Variants in PHF8 observed in about 807,000 individuals in gnomAD.
PHF8 encodes histone lysine demethylase PHF8.
A neutral mutation model predicts 74.4 loss-of-function variants in PHF8; 9 were observed. That is an observed-to-expected ratio of 0.12 (90% confidence interval 0.07 to 0.21). The LOEUF is 0.21. PHF8 is among the 10% of genes least tolerant of loss of function. The probability of loss-of-function intolerance (pLI) is 1.00; values close to 1 mark genes in which losing one functional copy is unlikely to be tolerated. For synonymous variants in PHF8, 311 were observed against 316.6 expected, an observed-to-expected ratio of 0.98 and a Z score of 0.19; for missense variants, 478 against 816.6, an observed-to-expected ratio of 0.59 and a Z score of 5.05.
intron 11 of PHF8, among the ~76,000 whole-genome samples, chrX:53,998,918 CA>C (rs1225645298): frequency 2.7e-5 from 3 of 111,887 alleles, no homozygotes; most frequent in African/African-American, 9.7e-5. Context: ...AAATGAGGGA[CA>C]AAGACTGATA....
Position 53,944,143 on chromosome X carries a change from C to G in PHF8, c.2640G>C (p.Leu880=), listed in dbSNP as rs781998200. The change falls in exon 20 of 22, where the codon CTG becomes CTC. Residue 880 remains leucine, a synonymous_variant. Coordinates refer to ENST00000338154, the MANE Select transcript of PHF8 (RefSeq NM_015107.3). ...GGGTGTCAGCACCTACCTGCTGGGCCAGCTTTGCAGCTGCTGCAGCCAAAC... is the reference window on the plus strand; with the variant it reads ...GGGTGTCAGCACCTACCTGCTGGGCGAGCTTTGCAGCTGCTGCAGCCAAAC... ...ETGLAAAAAK[L]AQQELQKAQK... 8 of 1,192,489 alleles carry G rather than the reference C, an allele frequency of 6.7e-6. No individual in the cohort carries two copies. The East Asian group carries it at 2.1e-4, about 31-fold the overall frequency.
Position 54,043,941 on chromosome X carries a change from C to A in PHF8, c.-272G>T. The A allele has an allele frequency of 1.3e-6, 1 of 754,925 alleles. No individual in the cohort carries two copies. Among genetic ancestry groups the A allele is most frequent in the Non-Finnish European group, 1.6e-6 (1 of 639,419 alleles). The allele number at this position is 754,925 out of a possible 1,213,427, so 62.2% of individuals were successfully genotyped here. A position where few individuals can be genotyped will look rare whatever the true frequency, so the allele number is the denominator to read the frequency against. ...CCGGGCTAGCTCCGGGACTGCGAAGCGCCTCAGCGGAGGCTCGTCCGGTAG... is the reference window on the plus strand; with the variant it reads ...CCGGGCTAGCTCCGGGACTGCGAAGAGCCTCAGCGGAGGCTCGTCCGGTAG... On this transcript the variant is annotated 5_prime_UTR_variant, in exon 1 of 22. Transcript: ENST00000338154.
intron 18 of PHF8, among the ~76,000 whole-genome samples, chrX:53,963,227 G>A (rs1229500777): frequency 9.0e-6 from 1 of 111,299 alleles, no homozygotes; most frequent in Non-Finnish European, 1.9e-5. Flanking sequence ...TCAAAATTCA[G>A]CTTTAGATTT....
intron 7 of PHF8, among the ~76,000 whole-genome samples, chrX:54,013,883 AAAG>A (rs1352580446): frequency 8.9e-6 from 1 of 111,817 alleles, no homozygotes; most frequent in East Asian, 2.8e-4. Flanking sequence ...CAACAACAAA[AAAG>A]AAGGTAACAA....
upstream of PHF8, chrX:54,045,251 G>A (rs2066624181): frequency 5.2e-6 from 1 of 192,918 alleles, no homozygotes; most frequent in South Asian, 2.3e-4. Flanking sequence ...GAGAGGAAAG[G>A]CTGAGTTAGT....
chrX:54,024,127 A>C (rs1249594193), intron 2 of PHF8, among the ~76,000 whole-genome samples: 2 of 111,995 alleles, frequency 1.8e-5, no homozygotes, highest in Non-Finnish European at 3.8e-5. Context: ...TAATGTATAT[A>C]AAGTGCACAG....
chrX:54,040,473 T>C (rs1284922503), intron 2 of PHF8, among the ~76,000 whole-genome samples: 5 of 112,185 alleles, frequency 4.5e-5, no homozygotes, highest in Non-Finnish European at 9.4e-5. Context: ...TTTATAACTA[T>C]GATATGATTA....
rs146083372 is a variant in PHF8, at chrX:54,030,270, T to C, written c.99-7427A>G. On this transcript the variant is annotated intron_variant, in intron 2 of 21. Coordinates refer to ENST00000338154, the MANE Select transcript of PHF8 (RefSeq NM_015107.3). ...TCAACGTGCTAGACAACTCCTCATA[T>C]CAGGGAGGCAGACAAATGAAAAATC... is the stretch of plus-strand genomic sequence containing the variant. 5.3e-3 allele frequency among the ~76,000 whole-genome samples: 588 copies of C among 111,558 alleles called. 2 individuals carry two copies. The highest frequency in any genetic ancestry group is 0.018 in the African/African-American group (556 of 30,699).
In PHF8 at chrX:53,987,902, C is replaced by A. The variant is rs1557100178; in HGVS notation, c.1773G>T (p.Lys591Asn). 1 of 1,209,669 alleles carries A rather than the reference C, an allele frequency of 8.3e-7. No individual in the cohort carries two copies. Among genetic ancestry groups the A allele is most frequent in the South Asian group, 1.8e-5 (1 of 56,881 alleles). ...TAGCCTTGTCTACCTTCTTTGCTAT[C>A]TTGGTTCGCCGAGATTTGGATAAAC... Reference protein sequence around the residue: ...VKSLSKSRRTKIAKKVDKARL... With the variant: ...VKSLSKSRRTNIAKKVDKARL... Residue 591 changes from lysine to asparagine, a missense_variant, in exon 15 of 22, where the codon AAG becomes AAT. Lys to Asn is a moderately conservative substitution (Grantham distance 94). Transcript: ENST00000338154.
rs781796764 is a variant in PHF8 at position 54,040,978 on chromosome X, A to G, written c.98+1653T>C. The stretch of plus-strand genomic sequence containing the variant: ...GTGCCGGGCACACAATAAATATTCA[A>G]TAGAGATCAGTTAAACATGAATTTG... On this transcript the variant is annotated intron_variant, in intron 2 of 21. Transcript: ENST00000338154. Among the ~76,000 whole-genome samples, 15 of 112,229 alleles carry G rather than the reference A, an allele frequency of 1.3e-4. No homozygotes were observed. The Middle Eastern group carries it at 0.023, about 172-fold the overall frequency.
intron 14 of PHF8, among the ~76,000 whole-genome samples, chrX:53,990,092 C>CA (rs2065634693): frequency 8.9e-6 from 1 of 111,748 alleles, no homozygotes; most frequent in Non-Finnish European, 1.9e-5. Context: ...TCAGCTAACT[C>CA]AAGAGGCTGA....
intron 18 of PHF8, among the ~76,000 whole-genome samples, chrX:53,977,556 A>G: frequency 9.0e-6 from 1 of 111,505 alleles, no homozygotes; most frequent in Non-Finnish European, 1.9e-5. Context: ...TATATTGACA[A>G]AACCAAGTGC....
At chrX:53,955,780 T>C (rs1376547010) in intron 19 of PHF8, among the ~76,000 whole-genome samples, 1 of 110,100 alleles carries the variant, frequency 9.1e-6, no homozygotes, top group African/African-American at 3.3e-5. Context: ...CATACATAGA[T>C]GCATGCATTT....
At chrX:53,942,719 G>C in intron 20 of PHF8, 2 of 740,552 alleles carry the variant, frequency 2.7e-6, no homozygotes, top group Non-Finnish European at 3.2e-6. Flanking sequence ...GAAATAAAGT[G>C]GTGGTAGGTA....
At chrX:53,953,497 TAGGCGTGATGGC>T (rs1557087652) in intron 19 of PHF8, among the ~76,000 whole-genome samples, 1 of 107,544 alleles carries the variant, frequency 9.3e-6, no homozygotes. Flanking sequence ...AAAAATTAGC[TAGGCGTGATGGC>T]AGGCACCTGT....
Position 53,937,739 on chromosome X carries a change from C to T in PHF8, c.*1419G>A. 2.8e-6 allele frequency: 1 copy of T among 362,618 alleles called. No individual in the cohort carries two copies. Among genetic ancestry groups the T allele is most frequent in the Non-Finnish European group, 4.8e-6 (1 of 207,329 alleles). The allele number at this position is 362,618 out of a possible 1,213,427, so 29.9% of individuals were successfully genotyped here. ...AAATTCCCTGTGGCCTGCATGGTAG[C>T]TATTAAATTCCCCAGAAGCATTGGG... On this transcript the variant is annotated 3_prime_UTR_variant, in exon 22 of 22. Transcript: ENST00000338154.
chrX:53,963,400 A>G (rs2065132336), intron 18 of PHF8, among the ~76,000 whole-genome samples: 1 of 111,915 alleles, frequency 8.9e-6, no homozygotes, highest in Non-Finnish European at 1.9e-5. Context: ...GGGCAGGAAT[A>G]TGTATTATTT....
chrX:53,963,464 G>A (rs1410021463), intron 18 of PHF8, among the ~76,000 whole-genome samples: 1 of 111,761 alleles, frequency 8.9e-6, no homozygotes, highest in African/African-American at 3.3e-5. Context: ...CTCAGTAACT[G>A]TTTACTAAGT....
At chrX:54,037,584 T>A (rs782752046) in intron 2 of PHF8, among the ~76,000 whole-genome samples, 5 of 111,797 alleles carry the variant, frequency 4.5e-5, no homozygotes, top group Non-Finnish European at 9.4e-5. Flanking sequence ...TGAAACAAAA[T>A]TATCACTACA....
Sources: allele counts gnomAD v4.1 joint callset (sites outside exome capture counted in the v4.1 genomes callset), GRCh38; gene constraint gnomAD v4.1.1; transcripts MANE v1.5; gene names NCBI Gene and HGNC (gene_info 2026-07-23, HGNC 2026-07-21).